Variants in LY96 observed in about 807,000 individuals in gnomAD.
LY96 encodes the protein myeloid differentiation protein-2.
In LY96, 18 loss-of-function variants were observed where a neutral mutation model predicts 18.9. The ratio of observed to expected loss-of-function variants is 0.95; its 90% confidence interval spans 0.66 to 1.41. The LOEUF (loss-of-function observed/expected upper bound fraction) is 1.41, where lower values mean the gene tolerates loss of function less well. LY96 is among the 40% of genes most tolerant of loss of function. The probability of loss-of-function intolerance (pLI) is 0.00; values close to 1 mark genes in which losing one functional copy is unlikely to be tolerated. For synonymous variants in LY96, 66 were observed against 62.6 expected (o/e 1.06, Z -0.26); for missense variants, 175 against 182.4 (o/e 0.96, Z 0.23).
At chr8:74,078,497 A>C in the LY96 span, among the ~76,000 whole-genome samples, 1 of 152,214 alleles carries the variant, frequency 6.6e-6, no homozygotes, top group Admixed American at 6.5e-5. Flanking sequence ...CACAGTATGC[A>C]GATTGGGATA....
chr8:74,065,259 C>T, the LY96 span, among the ~76,000 whole-genome samples: 2 of 152,168 alleles, frequency 1.3e-5, no homozygotes, highest in African/African-American at 2.4e-5. Flanking sequence ...CAAGCTATAA[C>T]CTGATTACTG....
the LY96 span, among the ~76,000 whole-genome samples, chr8:74,091,581 A>C: frequency 6.6e-6 from 1 of 152,190 alleles, no homozygotes; most frequent in African/African-American, 2.4e-5. Context: ...GGCTCTCCTG[A>C]AATGGAAGGC....
the LY96 span, among the ~76,000 whole-genome samples, chr8:74,049,300 C>G: frequency 6.6e-6 from 1 of 152,168 alleles, no homozygotes; most frequent in African/African-American, 2.4e-5. Context: ...CCAGCCAGAC[C>G]ATACCACTCG....
chr8:74,002,575 T>A (rs1403121123), intron 1 of LY96, among the ~76,000 whole-genome samples: 56 of 133,076 alleles, frequency 4.2e-4, no homozygotes, highest in African/African-American at 1.6e-3. Context: ...ATTTATTTCT[T>A]TTTTTTTTTT....
chr8:74,092,850 C>G, the LY96 span, among the ~76,000 whole-genome samples: 2 of 152,204 alleles, frequency 1.3e-5, no homozygotes, highest in Non-Finnish European at 2.9e-5. Context: ...CGCCTCCTCT[C>G]TCTGTATTGC....
rs536463574 is a variant in LY96 at position 73,999,344 on chromosome 8, C to T, written c.113-5452C>T. On this transcript the variant is annotated intron_variant, in intron 1 of 4. Coordinates refer to ENST00000284818, the MANE Select transcript of LY96 (RefSeq NM_015364.5). ...GCAGTGGCACAATCTTGGCTCACTGCTGTCTTGACCTTCTGGGCTCAAGTG... is the reference window on the plus strand; with the variant it reads ...GCAGTGGCACAATCTTGGCTCACTGTTGTCTTGACCTTCTGGGCTCAAGTG... 5.3e-5 allele frequency among the ~76,000 whole-genome samples: 8 copies of T among 152,214 alleles called. No homozygotes were observed. In the East Asian group the frequency reaches 1.5e-3, roughly 29 times the overall value.
the LY96 span, among the ~76,000 whole-genome samples, chr8:74,089,354 TGAA>T: frequency 1.3e-5 from 2 of 152,118 alleles, no homozygotes; most frequent in African/African-American, 4.8e-5. Flanking sequence ...CCAAAAATTA[TGAA>T]GGATTTCAAT....
At chr8:74,007,111 G>A (rs1032150736) in intron 2 of LY96, among the ~76,000 whole-genome samples, 3 of 152,234 alleles carry the variant, frequency 2.0e-5, no homozygotes, top group African/African-American at 7.2e-5. Flanking sequence ...CAAATAGGAA[G>A]CCCCAGAGCA....
intron 3 of LY96, among the ~76,000 whole-genome samples, chr8:74,018,165 T>C (rs1816682613): frequency 1.3e-5 from 2 of 151,644 alleles, no homozygotes; most frequent in Non-Finnish European, 2.9e-5. Flanking sequence ...CCATCTCACA[T>C]GCAGAGACAC....
chr8:74,002,017 T>C (rs1387571415), intron 1 of LY96, among the ~76,000 whole-genome samples: 1 of 9,178 alleles, frequency 1.1e-4, no homozygotes, highest in Non-Finnish European at 1.9e-4. Flanking sequence ...CTTCCTTCCT[T>C]CCTTCCTTCC....
the LY96 span, among the ~76,000 whole-genome samples, chr8:74,048,072 T>C: frequency 1.3e-5 from 2 of 152,170 alleles, no homozygotes; most frequent in South Asian, 2.1e-4. Context: ...AACTTTTCTT[T>C]TGGGTGAGGG....
the LY96 span, among the ~76,000 whole-genome samples, chr8:74,080,996 T>TTCTTTC: frequency 2.9e-5 from 3 of 103,718 alleles, no homozygotes; most frequent in African/African-American, 1.7e-4. Context: ...CTTTCTTTCT[T>TTCTTTC]TCTTTCTTTC....
At chr8:73,991,682 C>G (rs1198366324) in intron 1 of LY96, 128 bp downstream of exon 1, 1 of 662,532 alleles carries the variant, frequency 1.5e-6, no homozygotes, top group Non-Finnish European at 2.7e-6. Context: ...GTGGCGGACG[C>G]TGCCAGCAGG....
chr8:74,018,941 T>G (rs1185627270), intron 3 of LY96, among the ~76,000 whole-genome samples: 1 of 152,156 alleles, frequency 6.6e-6, no homozygotes, highest in African/African-American at 2.4e-5. Context: ...GAGGGAAATT[T>G]ATAGCACTAA....
intron 1 of LY96, among the ~76,000 whole-genome samples, chr8:74,001,505 C>T (rs1816268642): frequency 1.3e-5 from 2 of 152,046 alleles, no homozygotes; most frequent in South Asian, 4.1e-4. Flanking sequence ...GCTGGGATTA[C>T]AGGCATGAGC....
At chr8:74,012,162 T>A (rs750157649) in intron 3 of LY96, among the ~76,000 whole-genome samples, 1 of 152,190 alleles carries the variant, frequency 6.6e-6, no homozygotes, top group Admixed American at 6.5e-5. Context: ...AGAACCACCA[T>A]TCCATCTAGC....
the LY96 span, among the ~76,000 whole-genome samples, chr8:74,080,263 C>A: frequency 6.6e-6 from 1 of 152,094 alleles, no homozygotes; most frequent in African/African-American, 2.4e-5. Flanking sequence ...AGCATAATGG[C>A]CTTTGGGTTG....
the LY96 span, among the ~76,000 whole-genome samples, chr8:74,038,916 T>C: frequency 6.6e-6 from 1 of 152,232 alleles, no homozygotes; most frequent in Non-Finnish European, 1.5e-5. Flanking sequence ...TATTTTTAGT[T>C]TTTGGAGGAA....
At chr8:74,003,357 G>C (rs867507189) in intron 1 of LY96, among the ~76,000 whole-genome samples, 1 of 152,188 alleles carries the variant, frequency 6.6e-6, no homozygotes, top group African/African-American at 2.4e-5. Flanking sequence ...CTTGAAGCAG[G>C]CTTACAGTGG....
Sources: gnomAD v4.1 joint callset for allele counts (sites outside exome capture counted in the v4.1 genomes callset) on GRCh38, gnomAD v4.1.1 for gene constraint, MANE v1.5 for transcripts, NCBI Gene and HGNC (gene_info 2026-07-23, HGNC 2026-07-21) for gene names.